Variants in PER3 observed in about 807,000 individuals in gnomAD.
PER3 encodes the protein period circadian regulator 3, also known as period circadian protein homolog 3.
Under a neutral mutation model 127.2 loss-of-function variants are expected in PER3, and 107 were observed. That is an observed-to-expected ratio of 0.84 (90% confidence interval 0.72 to 0.99). The LOEUF is 0.99. PER3 is among the 50% of genes least tolerant of loss of function. The probability of loss-of-function intolerance (pLI) is 0.00; values close to 1 mark genes in which losing one functional copy is unlikely to be tolerated. For synonymous variants in PER3, 618 were observed against 585.8 expected (o/e 1.05, Z -0.79); for missense variants, 1,560 against 1,525.8 (o/e 1.02, Z -0.37).
chr1:7,799,870 G>C lies in PER3; in HGVS notation c.793+1197G>C, dbSNP rs575522335. Among the ~76,000 whole-genome samples the C allele has an allele frequency of 7.2e-5, 11 of 151,848 alleles. No individual in the cohort carries two copies. In the South Asian group the frequency reaches 2.3e-3, roughly 32 times the overall value. On this transcript the variant is annotated intron_variant, in intron 7 of 21. Coordinates refer to ENST00000377532, the MANE Select transcript of PER3 (RefSeq NM_001377275.1). ...TGCAGCCTCAGACTCCTGGGCTTCA[G>C]TGATCCTCCCACCGCAGCCTCCAGG...
chr1:7,833,829 A>G (rs1577952662), intron 19 of PER3, among the ~76,000 whole-genome samples: 1 of 148,190 alleles, frequency 6.7e-6, no homozygotes, highest in African/African-American at 2.5e-5. Context: ...TTTTCCTCCT[A>G]CCCTCCTCCT....
intron 8 of PER3, among the ~76,000 whole-genome samples, chr1:7,802,285 T>A (rs916374346): frequency 6.6e-6 from 1 of 152,154 alleles, no homozygotes. Flanking sequence ...GTTTTTGAGA[T>A]GGAGTCTCAC....
intron 13 of PER3, among the ~76,000 whole-genome samples, chr1:7,812,606 CAG>C (rs1278337648): frequency 9.4e-6 from 1 of 106,462 alleles, no homozygotes; most frequent in African/African-American, 3.8e-5. Flanking sequence ...GCCTGGGCAA[CAG>C]AGCAAGACTC....
At chr1:7,840,889 T>G (rs2097383687) in intron 21 of PER3, among the ~76,000 whole-genome samples, 1 of 152,188 alleles carries the variant, frequency 6.6e-6, no homozygotes, top group Admixed American at 6.5e-5. Context: ...ATTACAGGCG[T>G]GAGCCACTGT....
chr1:7,839,437 C>T (rs2097373881), intron 21 of PER3, among the ~76,000 whole-genome samples: 1 of 152,092 alleles, frequency 6.6e-6, no homozygotes, highest in Non-Finnish European at 1.5e-5. Flanking sequence ...ATGTAGAAAA[C>T]AAAAAGTGGA....
chr1:7,809,787 AT>A, intron 11 of PER3, 105 bp from the exon 12 acceptor site: 1 of 1,058,546 alleles, frequency 9.4e-7, no homozygotes, highest in Non-Finnish European at 1.4e-6. Context: ...CTAATTTAGT[AT>A]TTCAGGAATT....
chr1:7,830,263 GTT>G, intron 19 of PER3, 102 bp downstream of exon 19: 1 of 1,055,746 alleles, frequency 9.5e-7, no homozygotes, highest in Non-Finnish European at 1.4e-6. Context: ...GAAGTACAAG[GTT>G]TTTTTTTCTT....
chr1:7,827,858 A>G lies in PER3; in HGVS notation c.2886+43A>G, dbSNP rs375634195. On this transcript the variant is annotated intron_variant, in intron 18 of 21. Coordinates refer to ENST00000377532, the MANE Select transcript of PER3 (RefSeq NM_001377275.1). ...TCAACACTCAAGTGAGAAAGTGAAT[A>G]TCTTACTAAAGTTAAGGTGGTTGCG... 26 of 1,473,198 alleles carry G rather than the reference A, an allele frequency of 1.8e-5. No homozygotes were observed. In the Middle Eastern group the frequency reaches 5.2e-4, roughly 30 times the overall value. 91.3% of individuals were successfully genotyped at this position (1,473,198 alleles called of 1,614,324 possible).
chr1:7,805,920 TAAC>T (rs1367415877), intron 10 of PER3, among the ~76,000 whole-genome samples: 5 of 152,246 alleles, frequency 3.3e-5, no homozygotes, highest in South Asian at 2.1e-4. Context: ...ATTTACATCT[TAAC>T]AACAAAGATT....
At chr1:7,786,629 C>A in intron 3 of PER3, 92 bp from the exon 4 acceptor site, 1 of 706,434 alleles carries the variant, frequency 1.4e-6, no homozygotes. Flanking sequence ...TGTTCTCATC[C>A]GAAAAAAATA....
At chr1:7,838,359 C>T (rs1366780689) in intron 21 of PER3, among the ~76,000 whole-genome samples, 1 of 152,108 alleles carries the variant, frequency 6.6e-6, no homozygotes, top group Non-Finnish European at 1.5e-5. Context: ...TTAACAATAA[C>T]TTCCCCATTC....
At chr1:7,816,013 A>T (rs964706775) in intron 13 of PER3, among the ~76,000 whole-genome samples, 5 of 147,470 alleles carry the variant, frequency 3.4e-5, no homozygotes, top group African/African-American at 1.2e-4. Flanking sequence ...AAAAAAAAAA[A>T]AAAATTGAAT....
intron 12 of PER3, 75 bp from the exon 13 acceptor site, chr1:7,810,363 T>C: frequency 9.6e-7 from 1 of 1,039,558 alleles, no homozygotes; most frequent in African/African-American, 1.6e-5. Flanking sequence ...AGAAGCTAAG[T>C]GTATTTTGTT....
chr1:7,842,803 A>G lies in PER3; in HGVS notation c.*48A>G, dbSNP rs761958181. On this transcript the variant is annotated 3_prime_UTR_variant, in exon 22 of 22. Coordinates refer to ENST00000377532, the MANE Select transcript of PER3 (RefSeq NM_001377275.1). ...ATACCCTTTCCAAGACGTGTTACAC[A>G]GACAGACCTTTTTAAGTCCTGGACT... The G allele has an allele frequency of 3.2e-6, 5 of 1,541,420 alleles. No individual in the cohort carries two copies. Among genetic ancestry groups the G allele is most frequent in the Non-Finnish European group, 4.4e-6 (5 of 1,125,156 alleles).
At chr1:7,836,303 AAGT>A (rs1353869198) in intron 20 of PER3, among the ~76,000 whole-genome samples, 1 of 151,988 alleles carries the variant, frequency 6.6e-6, no homozygotes, top group Non-Finnish European at 1.5e-5. Context: ...TCAGCCTCCC[AAGT>A]AGTTGGGATT....
intron 19 of PER3, among the ~76,000 whole-genome samples, chr1:7,831,800 A>C (rs2097332651): frequency 6.6e-6 from 1 of 152,156 alleles, no homozygotes; most frequent in Admixed American, 6.5e-5. Context: ...ATATTTTGTT[A>C]CGCATTATTG....
chr1:7,815,335 A>G (rs1370274335), intron 13 of PER3, among the ~76,000 whole-genome samples: 2 of 152,230 alleles, frequency 1.3e-5, no homozygotes, highest in Admixed American at 6.5e-5. Flanking sequence ...ACTATCTACA[A>G]GAACCCATTG....
chr1:7,841,433 C>A (rs1290951039), intron 21 of PER3, among the ~76,000 whole-genome samples: 1 of 152,062 alleles, frequency 6.6e-6, no homozygotes, highest in Non-Finnish European at 1.5e-5. Flanking sequence ...ACTCTGACTC[C>A]CACAAGCTGT....
At chr1:7,809,107 C>T in intron 11 of PER3, 109 bp downstream of exon 11, 3 of 593,804 alleles carry the variant, frequency 5.1e-6, no homozygotes, top group Non-Finnish European at 8.9e-6. Context: ...AATCTTTGCC[C>T]TCTACATTCC....
Sources: allele counts gnomAD v4.1 joint callset (sites outside exome capture counted in the v4.1 genomes callset), GRCh38; gene constraint gnomAD v4.1.1; transcripts MANE v1.5; gene names NCBI Gene and HGNC (gene_info 2026-07-23, HGNC 2026-07-21).